Variants in ARHGEF38 observed in about 807,000 individuals in gnomAD.
ARHGEF38 encodes Rho guanine nucleotide exchange factor (GEF) 38.
In ARHGEF38, 79 loss-of-function variants were observed where a neutral mutation model predicts 79.9. The ratio of observed to expected loss-of-function variants is 0.99; its 90% confidence interval spans 0.82 to 1.19. The LOEUF is 1.19. Ranked by LOEUF, ARHGEF38 falls within the 50% of genes most tolerant of loss-of-function variation. The pLI is 0.00. For missense variants in ARHGEF38, 962 were observed against 907.2 expected (o/e 1.06, Z -0.78); for synonymous variants, 366 against 328.3 (o/e 1.11, Z -1.24).
intron 3 of ARHGEF38, among the ~76,000 whole-genome samples, chr4:105,617,960 A>G (rs1414502812): frequency 1.3e-5 from 2 of 152,184 alleles, no homozygotes; most frequent in African/African-American, 4.8e-5. Flanking sequence ...ATTTGGGAAA[A>G]TATTCCAAAA....
chr4:105,658,536 G>A (rs186045507), intron 9 of ARHGEF38, among the ~76,000 whole-genome samples: 1 of 152,250 alleles, frequency 6.6e-6, no homozygotes, highest in Non-Finnish European at 1.5e-5. Context: ...AGCCTCCAGG[G>A]TAGCCAGGGA....
At chr4:105,666,683 C>G (rs1220396177) in intron 11 of ARHGEF38, among the ~76,000 whole-genome samples, 1 of 152,158 alleles carries the variant, frequency 6.6e-6, no homozygotes, top group African/African-American at 2.4e-5. Context: ...GTGGGTTTCT[C>G]AAAGTCTCTT....
intron 1 of ARHGEF38, among the ~76,000 whole-genome samples, chr4:105,587,554 G>T (rs576527826): frequency 1.3e-5 from 2 of 152,104 alleles, no homozygotes; most frequent in Non-Finnish European, 2.9e-5. Context: ...TCCACCTCCC[G>T]GGTTCATGAC....
intron 5 of ARHGEF38, among the ~76,000 whole-genome samples, chr4:105,639,835 AT>A (rs1729547404): frequency 6.6e-6 from 1 of 151,950 alleles, no homozygotes; most frequent in South Asian, 2.1e-4. Flanking sequence ...TTCTTTTACA[AT>A]TTTTTGAGTA....
intron 2 of ARHGEF38, among the ~76,000 whole-genome samples, chr4:105,605,925 CA>C (rs1458223645): frequency 6.6e-6 from 1 of 152,140 alleles, no homozygotes; most frequent in African/African-American, 2.4e-5. Context: ...CTCCACTTCT[CA>C]AATGTTTGGT....
intron 1 of ARHGEF38, among the ~76,000 whole-genome samples, chr4:105,554,397 A>G (rs926881254): frequency 6.6e-6 from 1 of 152,048 alleles, no homozygotes; most frequent in Non-Finnish European, 1.5e-5. Flanking sequence ...TATTGTTGCC[A>G]CCTTTATGTC....
At chr4:105,658,069 T>C (rs896629542) in intron 9 of ARHGEF38, among the ~76,000 whole-genome samples, 2 of 152,200 alleles carry the variant, frequency 1.3e-5, no homozygotes, top group Non-Finnish European at 2.9e-5. Flanking sequence ...GGCAGTTCTA[T>C]GAAGTTCATT....
intron 5 of ARHGEF38, among the ~76,000 whole-genome samples, chr4:105,638,645 T>TC (rs1156808144): frequency 2.6e-5 from 4 of 151,954 alleles, no homozygotes; most frequent in African/African-American, 9.7e-5. Context: ...TTGCAGTGAG[T>TC]CCCTCACTTC....
At chr4:105,677,586 C>T (rs1375307271) in intron 13 of ARHGEF38, among the ~76,000 whole-genome samples, 166 bp from the exon 14 acceptor site, 1 of 152,138 alleles carries the variant, frequency 6.6e-6, no homozygotes, top group Non-Finnish European at 1.5e-5. Context: ...CCATTCTCAC[C>T]TGGGTTATAT....
intron 1 of ARHGEF38, among the ~76,000 whole-genome samples, chr4:105,572,136 CTT>C (rs923345823): frequency 2.0e-5 from 3 of 151,884 alleles, no homozygotes; most frequent in African/African-American, 7.3e-5. Context: ...TCACAGAAGA[CTT>C]TTTTTTAAGA....
chr4:105,594,973 A>G (rs1294026848), intron 2 of ARHGEF38, among the ~76,000 whole-genome samples: 1 of 152,244 alleles, frequency 6.6e-6, no homozygotes, highest in African/African-American at 2.4e-5. Context: ...GCTATAAGTC[A>G]AAGTAAATCA....
intron 3 of ARHGEF38, among the ~76,000 whole-genome samples, chr4:105,623,545 C>T (rs72669984): frequency 0.099 from 15,008 of 152,180 alleles, 847 homozygotes; most frequent in Middle Eastern, 0.2. Flanking sequence ...AAAACTTTCA[C>T]TTTCTCAGAG....
At chr4:105,664,720 T>C (rs534603293) in intron 10 of ARHGEF38, among the ~76,000 whole-genome samples, 1 of 152,294 alleles carries the variant, frequency 6.6e-6, no homozygotes, top group South Asian at 2.1e-4. Flanking sequence ...AAATAGTGCC[T>C]TGCCCTGGGC....
At chr4:105,599,850 T>C (rs1306218422) in intron 2 of ARHGEF38, among the ~76,000 whole-genome samples, 1 of 152,132 alleles carries the variant, frequency 6.6e-6, no homozygotes, top group African/African-American at 2.4e-5. Flanking sequence ...TTTTAGGTCA[T>C]TTAGAGTATG....
chr4:105,637,182 G>A (rs924276955), intron 5 of ARHGEF38, among the ~76,000 whole-genome samples: 9 of 152,070 alleles, frequency 5.9e-5, no homozygotes, highest in African/African-American at 2.2e-4. Context: ...GAGTTTATAT[G>A]AAGAAATAAA....
intron 13 of ARHGEF38, among the ~76,000 whole-genome samples, chr4:105,672,022 G>T (rs1281167183): frequency 6.6e-6 from 1 of 152,032 alleles, no homozygotes; most frequent in African/African-American, 2.4e-5. Flanking sequence ...TACTCAGGGG[G>T]TATCTTTGGG....
At chr4:105,671,281 T>C (rs955759087) in intron 13 of ARHGEF38, among the ~76,000 whole-genome samples, 12 of 152,146 alleles carry the variant, frequency 7.9e-5, no homozygotes, top group African/African-American at 2.9e-4. Context: ...GTAGAAATCA[T>C]CTAACTCAAA....
At chr4:105,657,639 A>C (rs1258947604) in intron 9 of ARHGEF38, among the ~76,000 whole-genome samples, 12 of 152,180 alleles carry the variant, frequency 7.9e-5, no homozygotes, top group Admixed American at 2.6e-4. Context: ...TGTAGAATCC[A>C]GTCAAGTCAC....
intron 6 of ARHGEF38, among the ~76,000 whole-genome samples, chr4:105,645,899 T>C (rs1307601166): frequency 6.6e-6 from 1 of 152,234 alleles, no homozygotes; most frequent in Non-Finnish European, 1.5e-5. Flanking sequence ...CTTTCTAGAA[T>C]TAGCAAATTA....
Sources: gnomAD v4.1 joint callset for allele counts (sites outside exome capture counted in the v4.1 genomes callset) on GRCh38, gnomAD v4.1.1 for gene constraint, MANE v1.5 for transcripts, NCBI Gene and HGNC (gene_info 2026-07-23, HGNC 2026-07-21) for gene names.